BBS7: variants seen among roughly 807,000 people sequenced by gnomAD.
BBS7 encodes the protein BBSome complex member BBS7.
In BBS7, 50 loss-of-function variants were observed where a neutral mutation model predicts 90.3. That is an observed-to-expected ratio of 0.55 (90% CI 0.44 to 0.70). BBS7 has a LOEUF of 0.70. Ranked by LOEUF, BBS7 falls within the 30% of genes least tolerant of loss-of-function variation. The pLI is 0.00. For missense variants in BBS7, 729 were observed against 838.9 expected, an observed-to-expected ratio of 0.87 and a Z score of 1.62; for synonymous variants, 235 against 287.4, an observed-to-expected ratio of 0.82 and a Z score of 1.85.
At chr4:121,858,899 A>G (rs1304421918) in intron 5 of BBS7, 93 bp downstream of exon 5, 7 of 1,260,464 alleles carry the variant, frequency 5.6e-6, no homozygotes, top group Non-Finnish European at 3.4e-6. Flanking sequence ...AAAGCCCTTA[A>G]AACAGTAACC....
chr4:121,855,460 T>C (rs1726559924), intron 6 of BBS7, 29 bp downstream of exon 6: 1 of 1,590,860 alleles, frequency 6.3e-7, no homozygotes, highest in Non-Finnish European at 8.6e-7. Context: ...AACACATAGT[T>C]GATTTGTGAA....
rs1371018928 is a variant in BBS7, at chr4:121,855,309, C to T, written c.601+180G>A. 2.4e-5 allele frequency: 14 copies of T among 587,122 alleles called. No homozygotes were observed. The East Asian group carries it at 3.1e-4, about 13-fold the overall frequency. 36.4% of individuals were successfully genotyped at this position (587,122 alleles called of 1,614,324 possible). Reference sequence around the variant, plus strand: ...GGAGACAGAGTGAGACCCTGCCCCCCAGCCCCCCAAAAAAGAAAAAAACGG... The same window carrying T: ...GGAGACAGAGTGAGACCCTGCCCCCTAGCCCCCCAAAAAAGAAAAAAACGG... On this transcript the variant is annotated intron_variant, in intron 6 of 18. Transcript: ENST00000264499.
At chr4:121,845,247 A>G (rs913073362) in intron 11 of BBS7, among the ~76,000 whole-genome samples, 5 of 152,066 alleles carry the variant, frequency 3.3e-5, no homozygotes, top group South Asian at 2.1e-4. Context: ...ACATACCTGT[A>G]GTCCCAGCTA....
At chr4:121,838,881 G>A (rs1725590814) in intron 13 of BBS7, among the ~76,000 whole-genome samples, 2 of 143,584 alleles carry the variant, frequency 1.4e-5, no homozygotes, top group African/African-American at 2.6e-5. Flanking sequence ...GGTGACAAGA[G>A]CACAAGAGCG....
Position 121,861,601 on chromosome 4 carries a change from T to A in BBS7, c.244A>T (p.Ile82Phe). The A allele has an allele frequency of 6.2e-7, 1 of 1,613,860 alleles. No individual in the cohort carries two copies. Among genetic ancestry groups the A allele is most frequent in the Non-Finnish European group, 8.5e-7 (1 of 1,179,842 alleles). ...GGVINTPQEK[I>F]FIAAASEIRG... ...ATCTCAGATGCTGCAGCAATAAAAA[T>A]TTTCTCCTGAGGTGTGTTGATAACC... is the stretch of plus-strand genomic sequence containing the variant. The change falls in exon 4 of 19, where the codon ATT becomes TTT. Residue 82 changes from isoleucine (I) to phenylalanine (F), a missense_variant. Transcript: ENST00000264499.
chr4:121,829,294 G>T lies in BBS7; in HGVS notation c.1677-566C>A, dbSNP rs1725060403. 2.6e-5 allele frequency among the ~76,000 whole-genome samples: 4 copies of T among 150,962 alleles called. No individual in the cohort carries two copies. The South Asian group carries it at 8.4e-4, about 32-fold the overall frequency. On this transcript the variant is annotated intron_variant, in intron 15 of 18. Coordinates refer to ENST00000264499, the MANE Select transcript of BBS7 (RefSeq NM_176824.3). ...TCTGTTGCCAGGCTGGAGTGCAGTGGCGTGATCTCCACTCACTACAACCTC... is the reference window on the plus strand; with the variant it reads ...TCTGTTGCCAGGCTGGAGTGCAGTGTCGTGATCTCCACTCACTACAACCTC...
At chr4:121,831,978 C>G (rs544162547) in intron 15 of BBS7, among the ~76,000 whole-genome samples, 4 of 149,666 alleles carry the variant, frequency 2.7e-5, no homozygotes, top group Admixed American at 2.0e-4. Flanking sequence ...AGCTCTCTCC[C>G]AGACAAATAA....
Position 121,835,257 on chromosome 4 carries a change from G to A in BBS7, c.1398C>T (p.Gly466=). The A allele has an allele frequency of 6.2e-7, 1 of 1,613,764 alleles. No individual in the cohort carries two copies. The highest frequency in any genetic ancestry group is 2.2e-5 in the East Asian group (1 of 44,852). ...LKIRSIEGQY[G]TLQAYVTPRI... ...TTGGAGTCACATATGCTTGTAGTGT[G>A]CCATACTGGCCTTCAATTGAGCGAA... is the stretch of plus-strand genomic sequence containing the variant. The change falls in exon 14 of 19, where the codon GGC becomes GGT. Residue 466 remains glycine (G), a synonymous_variant. Coordinates refer to ENST00000264499, the MANE Select transcript of BBS7 (RefSeq NM_176824.3).
At chr4:121,843,849 G>C in intron 12 of BBS7, 78 bp downstream of exon 12, 1 of 919,014 alleles carries the variant, frequency 1.1e-6, no homozygotes, top group Non-Finnish European at 1.7e-6. Context: ...TCAAAACCTA[G>C]CAGCATCTAT....
intron 5 of BBS7, among the ~76,000 whole-genome samples, chr4:121,857,049 G>A (rs998255717): frequency 1.3e-5 from 2 of 151,826 alleles, no homozygotes; most frequent in Admixed American, 6.6e-5. Flanking sequence ...GATTACAGGC[G>A]TGAGCCACCA....
At chr4:121,854,489 C>T (rs888923021) in intron 7 of BBS7, among the ~76,000 whole-genome samples, 44 of 152,146 alleles carry the variant, frequency 2.9e-4, no homozygotes, top group Admixed American at 1.4e-3. Context: ...CCTATAAAAA[C>T]GTATCAATAC....
intron 5 of BBS7, among the ~76,000 whole-genome samples, chr4:121,856,240 C>T (rs1025186877): frequency 6.6e-6 from 1 of 152,162 alleles, no homozygotes; most frequent in Non-Finnish European, 1.5e-5. Flanking sequence ...CAGTCAGAGG[C>T]TGAATGACCT....
intron 9 of BBS7, 110 bp from the exon 10 acceptor site, chr4:121,847,616 T>C (rs1021269990): frequency 5.0e-6 from 4 of 793,894 alleles, no homozygotes; most frequent in Non-Finnish European, 8.8e-6. Flanking sequence ...TGTCCACCAA[T>C]ATCAGCCTAA....
At chr4:121,855,835 T>A (rs201917275) in intron 5 of BBS7, among the ~76,000 whole-genome samples, 2 of 151,920 alleles carry the variant, frequency 1.3e-5, no homozygotes, top group South Asian at 2.1e-4. Flanking sequence ...TATATACACA[T>A]ATGTATACAT....
intron 4 of BBS7, among the ~76,000 whole-genome samples, chr4:121,859,963 GGTT>G (rs1726889724): frequency 6.6e-6 from 1 of 151,912 alleles, no homozygotes; most frequent in South Asian, 2.1e-4. Flanking sequence ...TTCACTTCTA[GGTT>G]GTTATTACCA....
At chr4:121,843,251 G>A (rs185092537) in intron 12 of BBS7, among the ~76,000 whole-genome samples, 1 of 152,264 alleles carries the variant, frequency 6.6e-6, no homozygotes, top group East Asian at 1.9e-4. Flanking sequence ...AAAAGGTTTT[G>A]AGAAAAGAAA....
At chr4:121,827,970 G>A in intron 18 of BBS7, 176 bp downstream of exon 18, 1 of 1,422,744 alleles carries the variant, frequency 7.0e-7, no homozygotes, top group Non-Finnish European at 9.1e-7. Context: ...AAAGTAGCTT[G>A]ACAAAATACA....
chr4:121,845,436 T>C, intron 11 of BBS7, 68 bp downstream of exon 11: 1 of 1,001,660 alleles, frequency 1.0e-6, no homozygotes, highest in Non-Finnish European at 1.5e-6. Context: ...TCAATAATAA[T>C]TAGTACATAT....
chr4:121,852,196 G>GT (rs1407732714), intron 8 of BBS7, among the ~76,000 whole-genome samples: 1 of 152,118 alleles, frequency 6.6e-6, no homozygotes, highest in African/African-American at 2.4e-5. Flanking sequence ...CAAACCACTT[G>GT]TATTTTCTGA....
Sources: allele counts gnomAD v4.1 joint callset (sites outside exome capture counted in the v4.1 genomes callset), GRCh38; gene constraint gnomAD v4.1.1; transcripts MANE v1.5; gene names NCBI Gene and HGNC (gene_info 2026-07-23, HGNC 2026-07-21).